ABHD17C: variants seen among roughly 807,000 people sequenced by gnomAD.
ABHD17C encodes the protein alpha/beta hydrolase domain-containing protein 17C.
In ABHD17C, 11 loss-of-function variants were observed where a neutral mutation model predicts 27.9. The observed-to-expected ratio is 0.39, with a 90% confidence interval of 0.25 to 0.65. The LOEUF is 0.65. ABHD17C is among the 30% of genes least tolerant of loss of function. The pLI is 0.45. For missense variants in ABHD17C, 280 were observed against 470.2 expected (o/e 0.60, Z 3.74); for synonymous variants, 233 against 209.1 (o/e 1.11, Z -0.98).
chr15:80,734,279 C>A (rs1163886112), intron 1 of ABHD17C, among the ~76,000 whole-genome samples: 1 of 152,210 alleles, frequency 6.6e-6, no homozygotes, highest in Non-Finnish European at 1.5e-5. Flanking sequence ...GCCACCATGT[C>A]TGGCCTAGAT....
chr15:80,734,841 G>A (rs1895107428), intron 1 of ABHD17C, among the ~76,000 whole-genome samples: 1 of 152,186 alleles, frequency 6.6e-6, no homozygotes, highest in Admixed American at 6.5e-5. Flanking sequence ...ACAAAAATTA[G>A]GTAAAGCTTG....
chr15:80,703,824 T>C (rs766301428), intron 1 of ABHD17C, among the ~76,000 whole-genome samples: 2 of 152,222 alleles, frequency 1.3e-5, no homozygotes, highest in Non-Finnish European at 2.9e-5. Context: ...TGGTGGGGGA[T>C]ACATTCCAAG....
At chr15:80,736,216 GT>G (rs1422012991) in intron 1 of ABHD17C, among the ~76,000 whole-genome samples, 1 of 152,128 alleles carries the variant, frequency 6.6e-6, no homozygotes, top group African/African-American at 2.4e-5. Context: ...AAGTCTGTTT[GT>G]GAAATTTTAC....
chr15:80,704,619 C>T (rs893941462), intron 1 of ABHD17C: 20 of 150,890 alleles, frequency 1.3e-4, no homozygotes, highest in African/African-American at 4.6e-4. Context: ...TGCAGGAGGG[C>T]GCAGTCCTGA....
intron 1 of ABHD17C, among the ~76,000 whole-genome samples, chr15:80,733,530 G>A (rs1221975992): frequency 1.3e-5 from 2 of 152,154 alleles, no homozygotes; most frequent in African/African-American, 4.8e-5. Flanking sequence ...CACACCTAGA[G>A]TTCAAGGACT....
rs536870400 is a variant in ABHD17C at position 80,713,825 on chromosome 15, A to C, written c.590+17806A>C. ...TTCCGTCTCAAAAAAAAGCAACAAA[A>C]AACATTGAGGTACACAGCTGTATGG... On this transcript the variant is annotated intron_variant, in intron 1 of 2. Coordinates refer to ENST00000258884, the MANE Select transcript of ABHD17C (RefSeq NM_021214.2). Among the ~76,000 whole-genome samples, 6 of 151,806 alleles carry C rather than the reference A, an allele frequency of 4.0e-5. No individual in the cohort carries two copies. In the East Asian group the frequency reaches 1.2e-3, roughly 29 times the overall value.
chr15:80,726,361 T>TG lies in ABHD17C; in HGVS notation c.591-23146dup, dbSNP rs1376468443. On this transcript the variant is annotated intron_variant, in intron 1 of 2. Coordinates refer to ENST00000258884, the MANE Select transcript of ABHD17C (RefSeq NM_021214.2). ...TTGGGGCCAGTTTATGGCCAGATTTTGGGGGGCCTGCTCCCAACATTGCTG... is the reference window on the plus strand; with the variant it reads ...TTGGGGCCAGTTTATGGCCAGATTTTGGGGGGGCCTGCTCCCAACATTGCTG... Among the ~76,000 whole-genome samples, 4 of 152,326 alleles carry TG rather than the reference T, an allele frequency of 2.6e-5. No homozygotes were observed. In the East Asian group the frequency reaches 7.7e-4, roughly 29 times the overall value.
intron 1 of ABHD17C, among the ~76,000 whole-genome samples, chr15:80,719,340 T>C (rs1268710430): frequency 6.6e-6 from 1 of 152,226 alleles, no homozygotes; most frequent in African/African-American, 2.4e-5. Context: ...TGGTTCTTCA[T>C]TGAGAGTGTT....
intron 1 of ABHD17C, among the ~76,000 whole-genome samples, chr15:80,714,993 G>C (rs906534587): frequency 6.6e-6 from 1 of 152,180 alleles, no homozygotes; most frequent in Non-Finnish European, 1.5e-5. Context: ...GCGTTAGCCA[G>C]GATGGTCTCG....
intron 1 of ABHD17C, among the ~76,000 whole-genome samples, chr15:80,748,138 C>T (rs1217290394): frequency 6.6e-6 from 1 of 152,176 alleles, no homozygotes; most frequent in Non-Finnish European, 1.5e-5. Context: ...GCCCTGAATT[C>T]TTTCTTTAGG....
intron 1 of ABHD17C, among the ~76,000 whole-genome samples, chr15:80,724,622 G>C (rs1195094976): frequency 1.3e-5 from 2 of 152,178 alleles, no homozygotes; most frequent in East Asian, 1.9e-4. Flanking sequence ...ATAAGGTTTA[G>C]AAATGCCTCC....
At chr15:80,716,682 G>C (rs117498266) in intron 1 of ABHD17C, among the ~76,000 whole-genome samples, 1 of 152,332 alleles carries the variant, frequency 6.6e-6, no homozygotes, top group Non-Finnish European at 1.5e-5. Flanking sequence ...GAAGGCAGAA[G>C]TGGCGTCTTG....
chr15:80,723,500 A>G (rs1894927521), intron 1 of ABHD17C, among the ~76,000 whole-genome samples: 1 of 152,210 alleles, frequency 6.6e-6, no homozygotes, highest in African/African-American at 2.4e-5. Flanking sequence ...TTGTTGAATT[A>G]CCATAGTCTA....
intron 1 of ABHD17C, among the ~76,000 whole-genome samples, chr15:80,749,150 G>A (rs1040946306): frequency 1.3e-5 from 2 of 152,088 alleles, no homozygotes; most frequent in Admixed American, 6.5e-5. Flanking sequence ...CTTCAGAAGT[G>A]TGTTTATGAT....
At chr15:80,723,374 A>G (rs1186062975) in intron 1 of ABHD17C, among the ~76,000 whole-genome samples, 4 of 152,124 alleles carry the variant, frequency 2.6e-5, no homozygotes. Context: ...GAACTTCTCC[A>G]TGGGTGAGAC....
At chr15:80,752,138 G>T (rs1174221839) in intron 2 of ABHD17C, among the ~76,000 whole-genome samples, 2 of 152,224 alleles carry the variant, frequency 1.3e-5, no homozygotes, top group Non-Finnish European at 2.9e-5. Flanking sequence ...AAACTGTGCA[G>T]CGTGGAGCAT....
chr15:80,723,821 TC>T (rs139489496), intron 1 of ABHD17C, among the ~76,000 whole-genome samples: 13,791 of 152,264 alleles, frequency 0.091, 879 homozygotes, highest in Middle Eastern at 0.19. Context: ...TGTGGCATCA[TC>T]CTGCTGCAGC....
At chr15:80,732,143 A>G (rs1033426712) in intron 1 of ABHD17C, among the ~76,000 whole-genome samples, 5 of 152,204 alleles carry the variant, frequency 3.3e-5, no homozygotes, top group East Asian at 1.9e-4. Flanking sequence ...CTGGGCAGCT[A>G]CACACCAGCT....
chr15:80,708,367 G>A (rs572315659), intron 1 of ABHD17C, among the ~76,000 whole-genome samples: 3 of 152,234 alleles, frequency 2.0e-5, no homozygotes, highest in South Asian at 4.1e-4. Flanking sequence ...CCAGGCTGGA[G>A]TACAGTGGCA....
Sources: allele counts gnomAD v4.1 joint callset (sites outside exome capture counted in the v4.1 genomes callset), GRCh38; gene constraint gnomAD v4.1.1; transcripts MANE v1.5; gene names NCBI Gene and HGNC (gene_info 2026-07-23, HGNC 2026-07-21).